The following ZC3H7A variants were observed in gnomAD, a reference collection of about 807,000 sequenced individuals.
ZC3H7A encodes the protein zinc finger CCCH domain-containing protein 7A.
Under a neutral mutation model 125.5 loss-of-function variants are expected in ZC3H7A, and 44 were observed. The ratio of observed to expected loss-of-function variants is 0.35; its 90% CI spans 0.28 to 0.45. The LOEUF (loss-of-function observed/expected upper bound fraction) is 0.45, where lower values mean the gene tolerates loss of function less well. Ranked by LOEUF, ZC3H7A falls within the 20% of genes least tolerant of loss-of-function variation. The probability of loss-of-function intolerance (pLI) is 1.00; values close to 1 mark genes in which losing one functional copy is unlikely to be tolerated. For missense variants in ZC3H7A, 977 were observed against 1,170.7 expected (o/e 0.83, Z 2.41); for synonymous variants, 399 against 391.2 (o/e 1.02, Z -0.23).
chr16:11,794,732 T>G (rs548241892), intron 1 of ZC3H7A, among the ~76,000 whole-genome samples: 1 of 152,154 alleles, frequency 6.6e-6, no homozygotes, highest in African/African-American at 2.4e-5. Context: ...ATCCCTGGAG[T>G]TGAGAGTTTC....
intron 2 of ZC3H7A, among the ~76,000 whole-genome samples, chr16:11,781,950 C>G (rs942566456): frequency 6.6e-6 from 1 of 152,122 alleles, no homozygotes; most frequent in Admixed American, 6.6e-5. Flanking sequence ...TGAACAGACA[C>G]GTCTGATCAC....
intron 20 of ZC3H7A, among the ~76,000 whole-genome samples, 179 bp from the exon 21 acceptor site, chr16:11,756,549 G>C (rs1439488172): frequency 6.6e-6 from 1 of 152,152 alleles, no homozygotes; most frequent in Non-Finnish European, 1.5e-5. Context: ...AAACTCTCAC[G>C]CATAAGAACT....
chr16:11,758,731 C>T, intron 19 of ZC3H7A, 192 bp from the exon 20 acceptor site: 1 of 529,152 alleles, frequency 1.9e-6, no homozygotes, highest in Non-Finnish European at 3.3e-6. Flanking sequence ...AGGTTTCTAT[C>T]TCAAAATTTT....
In ZC3H7A at chr16:11,762,667, A is replaced by G; in HGVS notation, c.2079+4T>C. 6.2e-7 allele frequency: 1 copy of G among 1,613,688 alleles called. No individual in the cohort carries two copies. The highest frequency in any genetic ancestry group is 1.7e-5 in the Admixed American group (1 of 60,022). On this transcript the variant is annotated splice_donor_region_variant and intron_variant, in intron 17 of 22. Transcript: ENST00000355758. ...AATGCAGAAAGTACACAAGAGAAAA[A>G]TACCTGCGCTCCAGGTACATTTGCT...
intron 1 of ZC3H7A, among the ~76,000 whole-genome samples, chr16:11,791,482 CCT>C (rs1365641850): frequency 2.0e-5 from 3 of 152,192 alleles, no homozygotes; most frequent in African/African-American, 7.2e-5. Context: ...CAGTCTCACC[CCT>C]CTTATTCACT....
chr16:11,760,310 T>C (rs2052732180), intron 19 of ZC3H7A, among the ~76,000 whole-genome samples: 1 of 152,114 alleles, frequency 6.6e-6, no homozygotes, highest in Non-Finnish European at 1.5e-5. Flanking sequence ...ACTCATTTTA[T>C]CAAAGTACTT....
At chr16:11,767,294 G>T in intron 13 of ZC3H7A, 123 bp downstream of exon 13, 1 of 867,596 alleles carries the variant, frequency 1.2e-6, no homozygotes, top group Non-Finnish European at 1.7e-6. Context: ...CGAGGTTTGT[G>T]TAAGTACTCT....
intron 8 of ZC3H7A, 101 bp from the exon 9 acceptor site, chr16:11,774,620 C>T (rs2053048800): frequency 1.5e-6 from 2 of 1,303,240 alleles, no homozygotes; most frequent in South Asian, 1.8e-5. Flanking sequence ...AATATGAAGG[C>T]AATTATAAAA....
chr16:11,753,950 C>G lies in ZC3H7A; in HGVS notation c.2563-1118G>C, dbSNP rs536908803. On this transcript the variant is annotated intron_variant, in intron 21 of 22. Transcript: ENST00000355758. ...CAGGCATGAACCACCATGCCCGGCC[C>G]CAGGTAAGCCTTATGATCCAACAAG... 2.0e-3 allele frequency: 298 copies of G among 152,580 alleles called. 1 individual carries two copies. Among genetic ancestry groups the G allele is most frequent in the Non-Finnish European group, 3.2e-3 (220 of 68,420 alleles). 9.5% of individuals were successfully genotyped at this position (152,580 alleles called of 1,614,324 possible).
intron 3 of ZC3H7A, among the ~76,000 whole-genome samples, chr16:11,781,060 C>T (rs572780763): frequency 3.9e-4 from 59 of 151,724 alleles, no homozygotes; most frequent in African/African-American, 1.3e-3. Context: ...AAAGAAAATA[C>T]AGGGCAACTG....
intron 10 of ZC3H7A, among the ~76,000 whole-genome samples, chr16:11,770,109 C>A (rs1037128928): frequency 6.6e-6 from 1 of 151,974 alleles, no homozygotes; most frequent in Non-Finnish European, 1.5e-5. Flanking sequence ...CTTAGTCTAG[C>A]ACTCAATTAT....
intron 1 of ZC3H7A, chr16:11,782,669 G>A (rs537798712): frequency 7.2e-5 from 14 of 194,580 alleles, no homozygotes; most frequent in East Asian, 2.6e-4. Flanking sequence ...GTGCAGTGGC[G>A]CGATCTCGCG....
At position 11,774,470 on chromosome 16, in the gene ZC3H7A, T is replaced by C. The variant is rs1213428519; in HGVS notation, c.669A>G (p.Ala223=). 6.3e-7 allele frequency: 1 copy of C among 1,586,840 alleles called. No homozygotes were observed. The highest frequency in any genetic ancestry group is 8.6e-7 in the Non-Finnish European group (1 of 1,163,610). ...QEAVPVVSLP[A]PSFSHEVGSE... is the part of the protein sequence containing the mutation. The stretch of plus-strand genomic sequence containing the variant: ...TTCCAACTTCATGAGAAAAACTGGG[T>C]GCCGGTAAAGAGACAACAGGAACTG... The change falls in exon 9 of 23, where the codon GCA becomes GCG. Residue 223 remains alanine (A), a synonymous_variant. Transcript: ENST00000355758.
chr16:11,772,438 T>G (rs2053001654), intron 9 of ZC3H7A, among the ~76,000 whole-genome samples: 1 of 151,762 alleles, frequency 6.6e-6, no homozygotes, highest in Admixed American at 6.5e-5. Context: ...GCTATCTATT[T>G]GGTTCTTAAA....
At position 11,776,663 on chromosome 16, in the gene ZC3H7A, T is replaced by C. The variant is rs1285341226; in HGVS notation, c.465+88A>G. The stretch of plus-strand genomic sequence containing the variant: ...TTTATACCCAACTGAAGCAGGTTGA[T>C]GGATGACTGGAAAATTTAACTCTTT... On this transcript the variant is annotated intron_variant, in intron 5 of 22. Transcript: ENST00000355758. 2.0e-6 allele frequency: 3 copies of C among 1,520,410 alleles called. No individual in the cohort carries two copies. In the African/African-American group the frequency reaches 4.2e-5, roughly 21 times the overall value. The allele number at this position is 1,520,410 out of a possible 1,614,324, so 94.2% of individuals were successfully genotyped here.
At chr16:11,752,635 T>G in intron 22 of ZC3H7A, 34 bp downstream of exon 22, 1 of 1,587,022 alleles carries the variant, frequency 6.3e-7, no homozygotes, top group Non-Finnish European at 8.6e-7. Flanking sequence ...AGGTCAGCAA[T>G]TCTGACATGG....
At chr16:11,780,245 C>T (rs1460677677) in intron 3 of ZC3H7A, among the ~76,000 whole-genome samples, 2 of 151,832 alleles carry the variant, frequency 1.3e-5, no homozygotes, top group Admixed American at 6.6e-5. Flanking sequence ...CTTAGCCTCC[C>T]GAGTAGCTGG....
intron 1 of ZC3H7A, among the ~76,000 whole-genome samples, chr16:11,790,025 G>C (rs1021858143): frequency 7.2e-6 from 1 of 138,776 alleles, no homozygotes; most frequent in Non-Finnish European, 1.5e-5. Flanking sequence ...AGGCTGCAGC[G>C]AGCAAAGATC....
intron 1 of ZC3H7A, among the ~76,000 whole-genome samples, chr16:11,788,572 C>T (rs2053296400): frequency 6.9e-6 from 1 of 144,638 alleles, no homozygotes; most frequent in Admixed American, 7.6e-5. Context: ...TGTTACCAGT[C>T]TCAGAAAAGT....
Sources: gnomAD v4.1 joint callset for allele counts (sites outside exome capture counted in the v4.1 genomes callset) on GRCh38, gnomAD v4.1.1 for gene constraint, MANE v1.5 for transcripts, NCBI Gene and HGNC (gene_info 2026-07-23, HGNC 2026-07-21) for gene names.